The following RAB10 variants were observed in gnomAD, a reference collection of about 807,000 sequenced individuals.
RAB10 encodes the protein RAB10, member RAS oncogene family, also known as ras-related protein Rab-10.
RAB10 carries 5 observed loss-of-function variants against 25.7 expected under a neutral mutation model. That is an observed-to-expected ratio of 0.19 (90% confidence interval 0.10 to 0.41). The LOEUF is 0.41. RAB10 is among the 10% of genes least tolerant of loss of function. The pLI is 1.00. For synonymous variants in RAB10, 89 were observed against 86.4 expected (o/e 1.03, Z -0.16); for missense variants, 103 against 245.8 (o/e 0.42, Z 3.89).
chr2:26,042,521 C>T (rs1017356556), intron 1 of RAB10, among the ~76,000 whole-genome samples: 1 of 151,984 alleles, frequency 6.6e-6, no homozygotes, highest in African/African-American at 2.4e-5. Flanking sequence ...TGGTGTACAC[C>T]TGTAGTCCCA....
chr2:26,040,694 A>G (rs1054357050), intron 1 of RAB10, among the ~76,000 whole-genome samples: 2 of 152,142 alleles, frequency 1.3e-5, no homozygotes, highest in Admixed American at 6.6e-5. Context: ...AGGTTTGTAT[A>G]GAAGTAGTTA....
intron 1 of RAB10, among the ~76,000 whole-genome samples, chr2:26,085,889 C>T (rs901138579): frequency 6.7e-6 from 1 of 149,404 alleles, no homozygotes; most frequent in African/African-American, 2.5e-5. Flanking sequence ...ATCCCAGCTA[C>T]TTGGGAGGCT....
chr2:26,056,545 A>G lies in RAB10; in HGVS notation c.127+21810A>G, dbSNP rs535775618. On this transcript the variant is annotated intron_variant, in intron 1 of 5. Transcript: ENST00000264710. Reference sequence around the variant, plus strand: ...TAAACACTCAGTTTAGTAAGACTACATTTATCTAGAAATTAGTCTTTTATC... The same window carrying G: ...TAAACACTCAGTTTAGTAAGACTACGTTTATCTAGAAATTAGTCTTTTATC... Among the ~76,000 whole-genome samples, 13 of 152,294 alleles carry G rather than the reference A, an allele frequency of 8.5e-5. No homozygotes were observed. In the South Asian group the frequency reaches 2.5e-3, roughly 29 times the overall value.
chr2:26,046,808 A>G (rs1666021298), intron 1 of RAB10, among the ~76,000 whole-genome samples: 1 of 152,234 alleles, frequency 6.6e-6, no homozygotes, highest in African/African-American at 2.4e-5. Context: ...TGGAGACCCA[A>G]AAAGTACATC....
chr2:26,135,537 T>G lies in RAB10; in HGVS notation c.*516T>G, dbSNP rs1350868151. On this transcript the variant is annotated 3_prime_UTR_variant, in exon 6 of 6. Transcript: ENST00000264710. ...GGGATTAATTTTGTCCTGTGCCTTA[T>G]GTGGAAAGGAACTTCTTTGGTTTTC... is the stretch of plus-strand genomic sequence containing the variant. 6.5e-6 allele frequency: 1 copy of G among 152,730 alleles called. No individual in the cohort carries two copies. Among genetic ancestry groups the G allele is most frequent in the African/African-American group, 2.4e-5 (1 of 41,466 alleles). The allele number at this position is 152,730 out of a possible 1,614,324, so 9.5% of individuals were successfully genotyped here.
chr2:26,117,619 CAAAAAAA>C (rs71399361), intron 3 of RAB10, among the ~76,000 whole-genome samples: 18 of 34,396 alleles, frequency 5.2e-4, no homozygotes, highest in African/African-American at 2.7e-3. Flanking sequence ...GACTCCGTCT[CAAAAAAA>C]AAAAAAAAAC....
chr2:26,036,148 G>A (rs1330065398), intron 1 of RAB10, among the ~76,000 whole-genome samples: 3 of 152,202 alleles, frequency 2.0e-5, no homozygotes, highest in Non-Finnish European at 4.4e-5. Context: ...GCTAGGGTTA[G>A]GTGATCAGAT....
chr2:26,055,732 C>G (rs1363589649), intron 1 of RAB10, among the ~76,000 whole-genome samples: 2 of 151,798 alleles, frequency 1.3e-5, no homozygotes, highest in Non-Finnish European at 1.5e-5. Context: ...GCAGTGTTGG[C>G]CAGGCTGGTC....
intron 3 of RAB10, among the ~76,000 whole-genome samples, chr2:26,113,054 C>T (rs1353853097): frequency 2.0e-5 from 3 of 152,046 alleles, no homozygotes; most frequent in African/African-American, 7.2e-5. Context: ...CACTGCACTC[C>T]ATCCTGGGCA....
At chr2:26,056,170 C>G (rs1164164603) in intron 1 of RAB10, among the ~76,000 whole-genome samples, 1 of 151,310 alleles carries the variant, frequency 6.6e-6, no homozygotes, top group African/African-American at 2.4e-5. Flanking sequence ...GGATTACAGG[C>G]GTGAGCCACC....
In RAB10 at chr2:26,118,503, A is replaced by G. The variant is rs931273493; in HGVS notation, c.327+8597A>G. Among the ~76,000 whole-genome samples the G allele has an allele frequency of 3.3e-5, 5 of 152,142 alleles. No homozygotes were observed. The South Asian group carries it at 8.3e-4, about 25-fold the overall frequency. On this transcript the variant is annotated intron_variant, in intron 3 of 5. Coordinates refer to ENST00000264710, the MANE Select transcript of RAB10 (RefSeq NM_016131.5). Reference sequence around the variant, plus strand: ...TACCTAGTCAAATATCAGAACAACTATGAGGCTTATATTTGTGAAATATAT... The same window carrying G: ...TACCTAGTCAAATATCAGAACAACTGTGAGGCTTATATTTGTGAAATATAT...
At chr2:26,112,442 CA>C (rs1032635319) in intron 3 of RAB10, among the ~76,000 whole-genome samples, 2 of 152,134 alleles carry the variant, frequency 1.3e-5, no homozygotes, top group African/African-American at 2.4e-5. Context: ...TTATGAATAA[CA>C]AAAGACAACC....
chr2:26,120,313 G>A (rs1667777503), intron 3 of RAB10, among the ~76,000 whole-genome samples: 1 of 152,136 alleles, frequency 6.6e-6, no homozygotes, highest in South Asian at 2.1e-4. Context: ...TTGGGATCAT[G>A]GACCCCTTTG....
At chr2:26,058,642 T>G (rs911098985) in intron 1 of RAB10, among the ~76,000 whole-genome samples, 1 of 152,196 alleles carries the variant, frequency 6.6e-6, no homozygotes, top group Non-Finnish European at 1.5e-5. Context: ...GCAATTCATC[T>G]TTGCTCTCTT....
At chr2:26,121,857 G>A (rs1667808504) in intron 3 of RAB10, among the ~76,000 whole-genome samples, 2 of 152,206 alleles carry the variant, frequency 1.3e-5, no homozygotes. Flanking sequence ...TTGCTATTTT[G>A]GTGAGCTCGT....
At chr2:26,048,118 G>T (rs1051027166) in intron 1 of RAB10, among the ~76,000 whole-genome samples, 1 of 150,448 alleles carries the variant, frequency 6.6e-6, no homozygotes, top group African/African-American at 2.5e-5. Context: ...CCCATTGACC[G>T]ACATCTGGGC....
chr2:26,090,939 CCAA>C (rs1667093793), intron 1 of RAB10, among the ~76,000 whole-genome samples: 1 of 63,438 alleles, frequency 1.6e-5, no homozygotes, highest in Admixed American at 1.7e-4. Context: ...GTCTCCCCCC[CCAA>C]AAAAAAAAAA....
chr2:26,096,301 C>G (rs952340477), intron 1 of RAB10, among the ~76,000 whole-genome samples: 1 of 152,148 alleles, frequency 6.6e-6, no homozygotes, highest in Non-Finnish European at 1.5e-5. Context: ...ATGATACAGT[C>G]ACAGAGCAGC....
upstream of RAB10, among the ~76,000 whole-genome samples, chr2:26,033,841 T>C (rs972540835): frequency 2.0e-5 from 3 of 152,112 alleles, no homozygotes; most frequent in South Asian, 2.1e-4. Flanking sequence ...CTAGGTAGCG[T>C]CTCCCCCGGG....
Sources: gnomAD v4.1 joint callset for allele counts (sites outside exome capture counted in the v4.1 genomes callset) on GRCh38, gnomAD v4.1.1 for gene constraint, MANE v1.5 for transcripts, NCBI Gene and HGNC (gene_info 2026-07-23, HGNC 2026-07-21) for gene names.